The following TMEM132B variants were observed in gnomAD, a reference collection of about 807,000 sequenced individuals.
TMEM132B encodes the protein transmembrane protein 132B.
A neutral mutation model predicts 90.8 loss-of-function variants in TMEM132B; 18 were observed. That is an observed-to-expected ratio of 0.20 (90% confidence interval 0.14 to 0.29). TMEM132B has a LOEUF of 0.29. Ranked by LOEUF, TMEM132B falls within the 10% of genes least tolerant of loss-of-function variation. The pLI is 1.00. For synonymous variants in TMEM132B, 504 were observed against 523.3 expected, an observed-to-expected ratio of 0.96 and a Z score of 0.50; for missense variants, 1,096 against 1,326.8, an observed-to-expected ratio of 0.83 and a Z score of 2.70.
At chr12:125,351,851 T>C (rs1877595134) in intron 2 of TMEM132B, among the ~76,000 whole-genome samples, 1 of 152,226 alleles carries the variant, frequency 6.6e-6, no homozygotes, top group South Asian at 2.1e-4. Flanking sequence ...TCTGCTATTA[T>C]GGAAGTGAAT....
rs560439862 is a variant in TMEM132B at position 125,343,992 on chromosome 12, T to C, written c.68-5460T>C. Among the ~76,000 whole-genome samples the C allele has an allele frequency of 3.9e-4, 60 of 152,356 alleles. 1 individual carries two copies. The Middle Eastern group carries it at 0.01, about 26-fold the overall frequency. ...TCTCAAGCGTTAAACCAAGGCAGTC[T>C]TAATTGATGGACATTCATTCAGCAA... On this transcript the variant is annotated intron_variant, in intron 1 of 8. Coordinates refer to ENST00000682704, the MANE Select transcript of TMEM132B (RefSeq NM_001366854.1).
At chr12:125,348,050 G>A (rs1877418829) in intron 1 of TMEM132B, among the ~76,000 whole-genome samples, 1 of 152,084 alleles carries the variant, frequency 6.6e-6, no homozygotes, top group Non-Finnish European at 1.5e-5. Flanking sequence ...TACATATGTA[G>A]AATTTTAAAA....
intron 1 of TMEM132B, among the ~76,000 whole-genome samples, chr12:125,319,565 A>G (rs1236662031): frequency 1.3e-5 from 2 of 151,884 alleles, no homozygotes; most frequent in South Asian, 2.1e-4. Context: ...ACCTCAGACT[A>G]CCCTCCCTAT....
chr12:125,480,286 C>CA (rs1283407899), intron 3 of TMEM132B, among the ~76,000 whole-genome samples: 4 of 151,894 alleles, frequency 2.6e-5, no homozygotes, highest in Non-Finnish European at 4.4e-5. Context: ...GATAGAGACA[C>CA]AAAAAACCCT....
At chr12:125,497,361 G>T (rs1882588412) in intron 3 of TMEM132B, among the ~76,000 whole-genome samples, 1 of 152,196 alleles carries the variant, frequency 6.6e-6, no homozygotes, top group African/African-American at 2.4e-5. Context: ...TGGGTGTGGG[G>T]TTGGCAGTTT....
At chr12:125,340,275 A>G (rs886233095) in intron 1 of TMEM132B, among the ~76,000 whole-genome samples, 1 of 152,228 alleles carries the variant, frequency 6.6e-6, no homozygotes, top group Non-Finnish European at 1.5e-5. Context: ...TTCGAATTCA[A>G]TTAAAATAAA....
At chr12:125,594,130 G>A (rs1885383440) in intron 5 of TMEM132B, among the ~76,000 whole-genome samples, 2 of 152,108 alleles carry the variant, frequency 1.3e-5, no homozygotes, top group African/African-American at 2.4e-5. Context: ...ATTTTATAAA[G>A]TCTGAGGCAA....
rs867292583 is a variant in TMEM132B, at chr12:125,654,578, G to A, written c.3120G>A (p.Glu1040=). Residue 1040 remains glutamate (E), a synonymous_variant, in exon 9 of 9, where the codon GAG becomes GAA. Coordinates refer to ENST00000682704, the MANE Select transcript of TMEM132B (RefSeq NM_001366854.1). The surrounding 1 kb of genome is among the most constrained non-coding windows in gnomAD (Gnocchi z 5.8). ...CTTCCTACACCACCATCCTCCCAGA[G>A]GACGGCGGCCCATACACCAACTCCA... ...KFTSYTTILP[E]DGGPYTNSIL... 6 of 1,614,178 alleles carry A rather than the reference G, an allele frequency of 3.7e-6. No individual in the cohort carries two copies. The South Asian group carries it at 6.6e-5, about 18-fold the overall frequency.
chr12:125,254,657 G>A (rs1874392729), intron 1 of TMEM132B, among the ~76,000 whole-genome samples: 1 of 151,098 alleles, frequency 6.6e-6, no homozygotes, highest in African/African-American at 2.4e-5. Context: ...TGGGACTTAG[G>A]AATGGGCCTA....
chr12:125,640,658 A>G (rs1045143260), intron 5 of TMEM132B, among the ~76,000 whole-genome samples: 4 of 96,018 alleles, frequency 4.2e-5, no homozygotes, highest in Non-Finnish European at 8.9e-5. Context: ...GCCCTGGGCC[A>G]GCAGTCAGCA....
chr12:125,278,085 A>G (rs534335804), intron 1 of TMEM132B, among the ~76,000 whole-genome samples: 21 of 152,326 alleles, frequency 1.4e-4, no homozygotes, highest in Admixed American at 5.2e-4. Context: ...GAAAGAGCCT[A>G]TCTCTGGCTT....
chr12:125,189,204 T>G (rs1957780777), intron 1 of TMEM132B, among the ~76,000 whole-genome samples: 1 of 152,228 alleles, frequency 6.6e-6, no homozygotes, highest in Non-Finnish European at 1.5e-5. Context: ...CTGTACTTGG[T>G]AAGAGTCAGC....
intron 3 of TMEM132B, among the ~76,000 whole-genome samples, chr12:125,428,418 G>A (rs1880396099): frequency 1.3e-5 from 2 of 151,724 alleles, no homozygotes; most frequent in African/African-American, 2.4e-5. Context: ...TTCATTTATT[G>A]TTTTGACCTA....
intron 1 of TMEM132B, among the ~76,000 whole-genome samples, chr12:125,285,104 G>A (rs1006558475): frequency 6.6e-6 from 1 of 152,180 alleles, no homozygotes; most frequent in Non-Finnish European, 1.5e-5. Context: ...ATAGTAACAA[G>A]TCTCAGGATT....
chr12:125,474,980 T>C (rs558936727), intron 3 of TMEM132B, among the ~76,000 whole-genome samples: 17 of 152,344 alleles, frequency 1.1e-4, no homozygotes, highest in African/African-American at 4.1e-4. Context: ...TGATTGTTCA[T>C]ACCTGGGCAG....
intron 1 of TMEM132B, among the ~76,000 whole-genome samples, chr12:125,334,600 C>T (rs1019580296): frequency 1.3e-5 from 2 of 152,218 alleles, no homozygotes; most frequent in Non-Finnish European, 1.5e-5. Context: ...CCTGGTTCCT[C>T]GGAGCTGTCA....
intron 4 of TMEM132B, among the ~76,000 whole-genome samples, chr12:125,569,885 T>C (rs1483273019): frequency 6.6e-6 from 1 of 152,152 alleles, no homozygotes; most frequent in Admixed American, 6.5e-5. Context: ...TCCAAATTCT[T>C]TACAGAAAGG....
intron 1 of TMEM132B, among the ~76,000 whole-genome samples, chr12:125,276,973 A>AT (rs1250803971): frequency 1.3e-5 from 2 of 152,172 alleles, no homozygotes; most frequent in Non-Finnish European, 2.9e-5. Context: ...ACCACATGCG[A>AT]TTTTAACGTA....
At position 125,209,052 on chromosome 12, in the gene TMEM132B, C is replaced by A. The variant is rs980288897; in HGVS notation, c.67+22186C>A. On this transcript the variant is annotated intron_variant, in intron 1 of 8. Coordinates refer to ENST00000682704, the MANE Select transcript of TMEM132B (RefSeq NM_001366854.1). The surrounding 1 kb of genome is among the most constrained non-coding windows in gnomAD (Gnocchi z 4.4). The stretch of plus-strand genomic sequence containing the variant: ...CCCGGGGTTATTGATTTACAGGAGG[C>A]AGATTATGTTTGGGAAATCAGAAGG... Among the ~76,000 whole-genome samples, 1 of 152,096 alleles carries A rather than the reference C, an allele frequency of 6.6e-6. No homozygotes were observed. Among genetic ancestry groups the A allele is most frequent in the Non-Finnish European group, 1.5e-5 (1 of 68,022 alleles).
Sources: gnomAD v4.1 joint callset for allele counts (sites outside exome capture counted in the v4.1 genomes callset) on GRCh38, gnomAD v4.1.1 for gene constraint, Gnocchi (gnomAD v3.1) non-coding constraint, MANE v1.5 for transcripts, NCBI Gene and HGNC (gene_info 2026-07-23, HGNC 2026-07-21) for gene names.